VPS26B: variants seen among roughly 807,000 people sequenced by gnomAD.
VPS26B encodes vacuolar protein sorting-associated protein 26B.
A neutral mutation model predicts 33.3 loss-of-function variants in VPS26B; 10 were observed. The observed-to-expected ratio is 0.30, with a 90% confidence interval of 0.19 to 0.51. VPS26B has a LOEUF of 0.51. Among genes scored for constraint, VPS26B ranks in the 20% least tolerant of loss-of-function variants. The pLI, the probability that VPS26B is intolerant of heterozygous loss-of-function variation, is 0.98. For missense variants in VPS26B, 317 were observed against 452.7 expected (o/e 0.70, Z 2.72); for synonymous variants, 190 against 176.9 (o/e 1.07, Z -0.59).
Position 134,239,298 on chromosome 11 carries a change from G to A in VPS26B, c.381-693G>A, listed in dbSNP as rs562394075. Reference sequence around the variant, plus strand: ...TTCTCCCTCCACACAGCACTGGATCGCAGCATCTCAATTAGCCCTTTCCGT... The same window carrying A: ...TTCTCCCTCCACACAGCACTGGATCACAGCATCTCAATTAGCCCTTTCCGT... On this transcript the variant is annotated intron_variant, in intron 2 of 5. Coordinates refer to ENST00000281187, the MANE Select transcript of VPS26B (RefSeq NM_052875.5). 3.3e-5 allele frequency among the ~76,000 whole-genome samples: 5 copies of A among 152,250 alleles called. No homozygotes were observed. In the South Asian group the frequency reaches 1.0e-3, roughly 32 times the overall value.
chr11:134,225,260 C>T lies in VPS26B; in HGVS notation c.138C>T (p.Val46=). ...TCCTCTTCTACGACGGGGAGACGGTCTCCGGGAAGGTGAGCCTTGCCCTCA... is the reference window on the plus strand; with the variant it reads ...TCCTCTTCTACGACGGGGAGACGGTTTCCGGGAAGGTGAGCCTTGCCCTCA... ...KYFLFYDGET[V]SGKVSLALKN... Residue 46 remains valine (V), a synonymous_variant, in exon 1 of 6, where the codon GTC becomes GTT. Coordinates refer to ENST00000281187, the MANE Select transcript of VPS26B (RefSeq NM_052875.5). 1 of 1,614,170 alleles carries T rather than the reference C, an allele frequency of 6.2e-7. No homozygotes were observed. The highest frequency in any genetic ancestry group is 8.5e-7 in the Non-Finnish European group (1 of 1,180,008).
At chr11:134,226,644 C>T (rs894666193) in intron 1 of VPS26B, among the ~76,000 whole-genome samples, 2 of 152,160 alleles carry the variant, frequency 1.3e-5, no homozygotes, top group Non-Finnish European at 2.9e-5. Context: ...GAATCCATAC[C>T]GATACCACAC....
rs1373218614 is a variant in VPS26B, at chr11:134,247,379, AT to A, written c.*1791del. On this transcript the variant is annotated 3_prime_UTR_variant, in exon 6 of 6. Transcript: ENST00000281187. ...ATATTCTAACTAGAAGCATTTGTCA[AT>A]TCCTTTGCCTCCCAACTGACAACAC... 6.6e-6 allele frequency: 1 copy of A among 152,168 alleles called. No individual in the cohort carries two copies. Among genetic ancestry groups the A allele is most frequent in the Non-Finnish European group, 1.5e-5 (1 of 68,036 alleles). 9.4% of individuals were successfully genotyped at this position (152,168 alleles called of 1,614,324 possible).
chr11:134,228,890 A>G (rs1199218482), intron 1 of VPS26B, among the ~76,000 whole-genome samples: 1 of 152,164 alleles, frequency 6.6e-6, no homozygotes, highest in African/African-American at 2.4e-5. Flanking sequence ...GGGGTGGCAT[A>G]TGGCAGTAAT....
chr11:134,228,930 T>C (rs1938517546), intron 1 of VPS26B, among the ~76,000 whole-genome samples: 1 of 152,218 alleles, frequency 6.6e-6, no homozygotes, highest in Admixed American at 6.5e-5. Flanking sequence ...TCTGTCCCTC[T>C]TCCTTGTTAA....
chr11:134,235,406 T>C (rs770126218), intron 2 of VPS26B: 4 of 170,082 alleles, frequency 2.4e-5, no homozygotes, highest in South Asian at 3.8e-4. Flanking sequence ...AGTGATGAGA[T>C]TTTCGCATGT....
At chr11:134,235,099 C>T in intron 2 of VPS26B, 46 bp downstream of exon 2, 1 of 1,583,344 alleles carries the variant, frequency 6.3e-7, no homozygotes, top group Non-Finnish European at 8.6e-7. Context: ...GAACCTGCCC[C>T]ATGTGGACAA....
chr11:134,245,247 C>T lies in VPS26B; in HGVS notation c.864+167C>T, dbSNP rs182361218. On this transcript the variant is annotated intron_variant, in intron 5 of 5. Transcript: ENST00000281187. This position sits in a 1 kb window ranked among gnomAD's most constrained non-coding sequence, Gnocchi z 4.7. ...CACCTGGCCTTAGAGTCTGCTTCCT[C>T]GGGCCTTCTCCTGCAACCACCTGCC... 2.4e-3 allele frequency among the ~76,000 whole-genome samples: 364 copies of T among 152,310 alleles called. 1 individual carries two copies. The highest frequency in any genetic ancestry group is 8.5e-3 in the African/African-American group (354 of 41,564).
intron 1 of VPS26B, among the ~76,000 whole-genome samples, chr11:134,234,074 A>G (rs1938597396): frequency 2.6e-5 from 4 of 152,182 alleles, no homozygotes; most frequent in Non-Finnish European, 5.9e-5. Flanking sequence ...CAGAAACACT[A>G]GGGTGGAGTC....
At chr11:134,239,052 G>A (rs71486994) in intron 2 of VPS26B, among the ~76,000 whole-genome samples, 8,129 of 152,248 alleles carry the variant, frequency 0.053, 271 homozygotes, top group African/African-American at 0.096. Flanking sequence ...CTCATTGAGT[G>A]TTAGCACAGT....
At chr11:134,232,367 C>T (rs1406023418) in intron 1 of VPS26B, among the ~76,000 whole-genome samples, 1 of 152,190 alleles carries the variant, frequency 6.6e-6, no homozygotes, top group Non-Finnish European at 1.5e-5. Flanking sequence ...GCCCCTTTGC[C>T]CCACAGTGTT....
chr11:134,244,874 G>T lies in VPS26B; in HGVS notation c.722-64G>T. Reference sequence around the variant, plus strand: ...GTGGCATCTCTGCAGTGGTCAGAGTGACCTGGTATAAGGGAGAGGGCATCA... The same window carrying T: ...GTGGCATCTCTGCAGTGGTCAGAGTTACCTGGTATAAGGGAGAGGGCATCA... On this transcript the variant is annotated intron_variant, in intron 4 of 5. Coordinates refer to ENST00000281187, the MANE Select transcript of VPS26B (RefSeq NM_052875.5). The surrounding 1 kb of genome is among the most constrained non-coding windows in gnomAD (Gnocchi z 4.0). 1.9e-6 allele frequency: 3 copies of T among 1,570,228 alleles called. No individual in the cohort carries two copies. The South Asian group carries it at 3.5e-5, about 18-fold the overall frequency.
chr11:134,239,569 G>A (rs191925852), intron 2 of VPS26B: 1 of 182,558 alleles, frequency 5.5e-6, no homozygotes, highest in Non-Finnish European at 1.2e-5. Context: ...ATAAAACTAC[G>A]AGACGGACTC....
rs1565359442 is a variant in VPS26B, at chr11:134,245,254, TCTC to T, written c.864+177_864+179del. 1.3e-5 allele frequency among the ~76,000 whole-genome samples: 2 copies of T among 152,258 alleles called. No homozygotes were observed. The highest frequency in any genetic ancestry group is 3.4e-3 in the Middle Eastern group (1 of 294). ...CCTTAGAGTCTGCTTCCTCGGGCCT[TCTC>T]CTGCAACCACCTGCCCTTTTGGCCC... On this transcript the variant is annotated intron_variant, in intron 5 of 5. Coordinates refer to ENST00000281187, the MANE Select transcript of VPS26B (RefSeq NM_052875.5). The surrounding 1 kb of genome is among the most constrained non-coding windows in gnomAD (Gnocchi z 4.7).
chr11:134,232,152 C>T (rs1938563894), intron 1 of VPS26B, among the ~76,000 whole-genome samples: 1 of 152,196 alleles, frequency 6.6e-6, no homozygotes, highest in Non-Finnish European at 1.5e-5. Flanking sequence ...TCAGTTCCTA[C>T]TTCTAGCCTG....
chr11:134,225,906 G>A (rs1465733602), intron 1 of VPS26B, among the ~76,000 whole-genome samples: 1 of 152,100 alleles, frequency 6.6e-6, no homozygotes, highest in Non-Finnish European at 1.5e-5. Flanking sequence ...AACTACCTAT[G>A]CTTGTACATG....
chr11:134,231,256 C>A (rs1181360529), intron 1 of VPS26B, among the ~76,000 whole-genome samples: 1 of 151,710 alleles, frequency 6.6e-6, no homozygotes, highest in Non-Finnish European at 1.5e-5. Flanking sequence ...TTAATAAGCC[C>A]ATTAATACCA....
At chr11:134,238,627 G>A (rs1045641085) in intron 2 of VPS26B, among the ~76,000 whole-genome samples, 8 of 152,204 alleles carry the variant, frequency 5.3e-5, no homozygotes, top group South Asian at 2.1e-4. Flanking sequence ...ACGGAGTCTC[G>A]CTCTGTTGCC....
At chr11:134,241,591 A>G (rs1938726161) in intron 3 of VPS26B, among the ~76,000 whole-genome samples, 1 of 152,144 alleles carries the variant, frequency 6.6e-6, no homozygotes, top group African/African-American at 2.4e-5. Context: ...GTGCCTACCC[A>G]CTACTGTCCT....
Sources: allele counts gnomAD v4.1 joint callset (sites outside exome capture counted in the v4.1 genomes callset), GRCh38; gene constraint gnomAD v4.1.1; non-coding constraint Gnocchi (gnomAD v3.1); transcripts MANE v1.5; gene names NCBI Gene and HGNC (gene_info 2026-07-23, HGNC 2026-07-21).